Variants in PCGF5 observed in about 807,000 individuals in gnomAD.
PCGF5 encodes polycomb group RING finger protein 5.
A neutral mutation model predicts 44.3 loss-of-function variants in PCGF5; 9 were observed. The observed-to-expected ratio is 0.20, with a 90% CI of 0.12 to 0.35. The LOEUF (loss-of-function observed/expected upper bound fraction) is 0.35. PCGF5 is among the 10% of genes least tolerant of loss of function. PCGF5 has a pLI of 1.00. For missense variants in PCGF5, 146 were observed against 305.3 expected, an observed-to-expected ratio of 0.48 and a Z score of 3.89; for synonymous variants, 95 against 102.5, an observed-to-expected ratio of 0.93 and a Z score of 0.44.
intron 1 of PCGF5, among the ~76,000 whole-genome samples, chr10:91,189,396 G>T (rs1259641009): frequency 1.3e-5 from 2 of 152,132 alleles, no homozygotes; most frequent in Admixed American, 1.3e-4. Context: ...TTACAACATG[G>T]TGCCTGGTAC....
At chr10:91,164,419 C>T (rs541634090) in intron 1 of PCGF5, among the ~76,000 whole-genome samples, 1 of 152,310 alleles carries the variant, frequency 6.6e-6, no homozygotes, top group South Asian at 2.1e-4. Context: ...GGTTGAGGAG[C>T]GCTGGTTCGC....
chr10:91,214,526 A>G (rs1278284106), intron 1 of PCGF5, among the ~76,000 whole-genome samples: 1 of 152,202 alleles, frequency 6.6e-6, no homozygotes, highest in Non-Finnish European at 1.5e-5. Flanking sequence ...ATTCAAAATC[A>G]TGGCTATGAG....
rs1844413188 is a variant in PCGF5 at position 91,209,762 on chromosome 10, CGAAGAAAAAAAAAGAAAA to C, written c.-183-12926_-183-12909del. On this transcript the variant is annotated intron_variant, in intron 1 of 9. Transcript: ENST00000614189. ...TGGGCAACAGAGCGAGACTCCGTCT[CGAAGAAAAAAAAAGAAAA>C]AAAAAAAAAAAAAAAGAAAAACGAA... 2.0e-5 allele frequency among the ~76,000 whole-genome samples: 2 copies of C among 100,120 alleles called. 1 individual carries two copies. The highest frequency in any genetic ancestry group is 4.3e-5 in the Non-Finnish European group (2 of 46,522). 65.7% of individuals were successfully genotyped at this position (100,120 alleles called of 152,430 possible). A position where few individuals can be genotyped will look rare whatever the true frequency, so the allele number is the denominator to read the frequency against.
At chr10:91,262,174 C>G (rs1156399853) in intron 7 of PCGF5, among the ~76,000 whole-genome samples, 2 of 152,172 alleles carry the variant, frequency 1.3e-5, no homozygotes, top group Admixed American at 1.3e-4. Flanking sequence ...CCTGTAATCC[C>G]AGCACTTGGG....
At chr10:91,190,825 G>A (rs1334658487) in intron 1 of PCGF5, among the ~76,000 whole-genome samples, 5 of 152,218 alleles carry the variant, frequency 3.3e-5, no homozygotes, top group Non-Finnish European at 7.3e-5. Context: ...GCAGAAGGTT[G>A]TGATGTGGTA....
intron 1 of PCGF5, among the ~76,000 whole-genome samples, chr10:91,221,473 A>C (rs1027521631): frequency 3.3e-5 from 5 of 152,202 alleles, no homozygotes; most frequent in Non-Finnish European, 7.3e-5. Flanking sequence ...CCTGTCTTTT[A>C]ATTATGCTTG....
At chr10:91,227,674 C>T in intron 2 of PCGF5, 1 of 1,066,918 alleles carries the variant, frequency 9.4e-7, no homozygotes, top group Non-Finnish European at 1.1e-6. Flanking sequence ...ACTCTTAACC[C>T]ACCCTAAAAT....
At chr10:91,244,977 G>A (rs558408955) in intron 3 of PCGF5, among the ~76,000 whole-genome samples, 2 of 152,230 alleles carry the variant, frequency 1.3e-5, no homozygotes, top group African/African-American at 4.8e-5. Flanking sequence ...GTCTGGGCTG[G>A]AGAAAAACAT....
At chr10:91,162,585 G>A (rs1036673017), upstream of PCGF5, among the ~76,000 whole-genome samples, 1 of 152,056 alleles carries the variant, frequency 6.6e-6, no homozygotes, top group Non-Finnish European at 1.5e-5. Flanking sequence ...GCCACTACAG[G>A]TGGGAGACTG....
chr10:91,159,323 T>C (rs959380271), upstream of PCGF5, among the ~76,000 whole-genome samples: 1 of 152,176 alleles, frequency 6.6e-6, no homozygotes, highest in Non-Finnish European at 1.5e-5. Context: ...ATTGACTGAA[T>C]GTTCATGGCT....
At chr10:91,187,833 C>G (rs1334823833) in intron 1 of PCGF5, among the ~76,000 whole-genome samples, 2 of 152,008 alleles carry the variant, frequency 1.3e-5, no homozygotes, top group Non-Finnish European at 2.9e-5. Context: ...TTAGAAAAAA[C>G]TTAGAGTATT....
chr10:91,163,370 C>G (rs951486844), intron 1 of PCGF5, among the ~76,000 whole-genome samples: 3 of 151,782 alleles, frequency 2.0e-5, no homozygotes, highest in Non-Finnish European at 4.4e-5. Context: ...ACTTTCTCTT[C>G]CCCAGAGGGG....
At chr10:91,227,416 A>T in intron 2 of PCGF5, 1 of 1,289,594 alleles carries the variant, frequency 7.8e-7, no homozygotes, top group South Asian at 1.2e-5. Flanking sequence ...ATCAAATGGG[A>T]TGCCAGCACT....
intron 6 of PCGF5, among the ~76,000 whole-genome samples, chr10:91,257,384 A>G (rs1165093791): frequency 6.6e-6 from 1 of 152,126 alleles, no homozygotes; most frequent in Non-Finnish European, 1.5e-5. Context: ...TACTGTGGAA[A>G]ACACTTTAGC....
chr10:91,185,154 C>CT (rs1175839838), intron 1 of PCGF5, among the ~76,000 whole-genome samples: 1 of 152,242 alleles, frequency 6.6e-6, no homozygotes, highest in Non-Finnish European at 1.5e-5. Context: ...ACCCCTCCTT[C>CT]TGGGAACTCT....
At chr10:91,243,766 A>G (rs1589391031) in intron 3 of PCGF5, among the ~76,000 whole-genome samples, 1 of 152,226 alleles carries the variant, frequency 6.6e-6, no homozygotes, top group East Asian at 1.9e-4. Flanking sequence ...AAATTACTAA[A>G]TGTATTATTA....
chr10:91,178,304 G>T (rs992889598), intron 1 of PCGF5, among the ~76,000 whole-genome samples: 1 of 152,112 alleles, frequency 6.6e-6, no homozygotes, highest in Non-Finnish European at 1.5e-5. Flanking sequence ...AATGTCAGAA[G>T]AAATTGCTAA....
intron 6 of PCGF5, among the ~76,000 whole-genome samples, chr10:91,253,416 C>T (rs1052226921): frequency 6.6e-6 from 1 of 151,934 alleles, no homozygotes; most frequent in African/African-American, 2.4e-5. Context: ...TCCAGCCCTG[C>T]TTTGTTTCCC....
At chr10:91,184,998 G>A (rs980412458) in intron 1 of PCGF5, among the ~76,000 whole-genome samples, 5 of 152,324 alleles carry the variant, frequency 3.3e-5, no homozygotes, top group African/African-American at 1.2e-4. Flanking sequence ...AACAACACAG[G>A]GGACCTGCTT....
Sources: gnomAD v4.1 joint callset for allele counts (sites outside exome capture counted in the v4.1 genomes callset) on GRCh38, gnomAD v4.1.1 for gene constraint, MANE v1.5 for transcripts, NCBI Gene and HGNC (gene_info 2026-07-23, HGNC 2026-07-21) for gene names.